Variants in GNAQ observed in about 807,000 individuals in gnomAD.
The protein encoded by GNAQ is guanine nucleotide-binding protein G(q) subunit alpha.
A neutral mutation model predicts 43.9 loss-of-function variants in GNAQ; 8 were observed. The observed-to-expected ratio is 0.18, with a 90% CI of 0.11 to 0.33. The LOEUF is 0.33. GNAQ is among the 10% of genes least tolerant of loss of function. GNAQ has a pLI of 1.00. For missense variants in GNAQ, 158 were observed against 450.8 expected (o/e 0.35, Z 5.88); for synonymous variants, 155 against 170.7 (o/e 0.91, Z 0.71).
intron 1 of GNAQ, among the ~76,000 whole-genome samples, chr9:77,961,657 T>G (rs1823108975): frequency 6.6e-6 from 1 of 152,138 alleles, no homozygotes; most frequent in Admixed American, 6.6e-5. Context: ...TGCTCTAAAC[T>G]TACCCTAACA....
chr9:77,802,857 C>G (rs1319273363), intron 3 of GNAQ, among the ~76,000 whole-genome samples: 1 of 152,182 alleles, frequency 6.6e-6, no homozygotes, highest in Non-Finnish European at 1.5e-5. Context: ...ACCCACCTTA[C>G]TCCAATCCCT....
intron 2 of GNAQ, among the ~76,000 whole-genome samples, chr9:77,915,474 T>C (rs1397031254): frequency 1.3e-5 from 2 of 152,374 alleles, no homozygotes; most frequent in South Asian, 2.1e-4. Context: ...AGGTTAGTAG[T>C]ATTCATTCTC....
At position 77,923,386 on chromosome 9, in the gene GNAQ, A is replaced by G. The variant is rs372704575; in HGVS notation, c.137-1041T>C. On this transcript the variant is annotated intron_variant, in intron 1 of 6. Transcript: ENST00000286548. ...TGCTATCTCCTTTTTCACATCTTCAATATTACTTTTCCGTTACCATAAGCC... is the reference window on the plus strand; with the variant it reads ...TGCTATCTCCTTTTTCACATCTTCAGTATTACTTTTCCGTTACCATAAGCC... Among the ~76,000 whole-genome samples the G allele has an allele frequency of 1.1e-4, 16 of 152,210 alleles. No homozygotes were observed. The East Asian group carries it at 3.1e-3, about 29-fold the overall frequency.
intron 1 of GNAQ, among the ~76,000 whole-genome samples, chr9:77,928,167 T>C (rs1829096730): frequency 6.6e-6 from 1 of 152,238 alleles, no homozygotes; most frequent in Admixed American, 6.5e-5. Flanking sequence ...ATATCTACTT[T>C]AAAATATGTG....
At chr9:77,781,303 G>C (rs1396739512) in intron 5 of GNAQ, among the ~76,000 whole-genome samples, 1 of 131,378 alleles carries the variant, frequency 7.6e-6, no homozygotes, top group East Asian at 2.1e-4. Context: ...TCATTCTTTT[G>C]CATGTGGATA....
At chr9:77,824,661 CTT>C (rs1457665186) in intron 2 of GNAQ, among the ~76,000 whole-genome samples, 1 of 152,074 alleles carries the variant, frequency 6.6e-6, no homozygotes, top group Non-Finnish European at 1.5e-5. Context: ...TGAACAATGA[CTT>C]TTAAAATTTT....
intron 2 of GNAQ, among the ~76,000 whole-genome samples, chr9:77,881,261 C>T (rs1021803484): frequency 3.9e-5 from 6 of 152,316 alleles, no homozygotes; most frequent in Non-Finnish European, 5.9e-5. Flanking sequence ...AGCTGCACAA[C>T]GGCAGAGAGC....
At chr9:77,879,162 A>C (rs559017486) in intron 2 of GNAQ, among the ~76,000 whole-genome samples, 13 of 152,340 alleles carry the variant, frequency 8.5e-5, no homozygotes, top group African/African-American at 2.6e-4. Context: ...AAAATACAGG[A>C]AAATACTGCA....
At position 78,030,529 on chromosome 9, in the gene GNAQ, G is replaced by A. The variant is rs80326263; in HGVS notation, c.136+571C>T. On this transcript the variant is annotated intron_variant, in intron 1 of 6. Transcript: ENST00000286548. The stretch of plus-strand genomic sequence containing the variant: ...GGCTTCCTCACCATGAGTGCTCCGG[G>A]AATCCAGCTGCGAGTCTGCCCACCG... 1.0e-3 allele frequency: 484 copies of A among 470,966 alleles called. 4 individuals carry two copies. The highest frequency in any genetic ancestry group is 9.0e-3 in the African/African-American group (449 of 50,150). 29.2% of individuals were successfully genotyped at this position (470,966 alleles called of 1,614,324 possible). A position where few individuals can be genotyped will look rare whatever the true frequency, so the allele number is the denominator to read the frequency against.
rs1367294866 is a variant in GNAQ, at chr9:77,959,655, T to C, written c.137-37310A>G. Among the ~76,000 whole-genome samples, 16 of 152,354 alleles carry C rather than the reference T, an allele frequency of 1.1e-4. No homozygotes were observed. The East Asian group carries it at 3.1e-3, about 29-fold the overall frequency. ...TTTGTTCACTCACTGTTTTATTCCT[T>C]CAATTATTTTTATCTCTATAATTGC... On this transcript the variant is annotated intron_variant, in intron 1 of 6. Coordinates refer to ENST00000286548, the MANE Select transcript of GNAQ (RefSeq NM_002072.5).
intron 2 of GNAQ, among the ~76,000 whole-genome samples, chr9:77,835,120 G>A (rs916389444): frequency 2.6e-5 from 4 of 152,080 alleles, no homozygotes; most frequent in Non-Finnish European, 5.9e-5. Context: ...TTCACACCCT[G>A]GGCAGGGTGA....
intron 1 of GNAQ, among the ~76,000 whole-genome samples, chr9:77,953,006 C>T (rs938609540): frequency 6.6e-6 from 1 of 152,174 alleles, no homozygotes; most frequent in African/African-American, 2.4e-5. Context: ...TGTTTTCAAG[C>T]TACATTATTG....
chr9:77,967,641 T>C (rs1188331353), intron 1 of GNAQ, among the ~76,000 whole-genome samples: 1 of 152,058 alleles, frequency 6.6e-6, no homozygotes, highest in Non-Finnish European at 1.5e-5. Flanking sequence ...GGTAGATTAG[T>C]GGTTATCAGA....
intron 2 of GNAQ, among the ~76,000 whole-genome samples, chr9:77,844,153 T>G (rs941783806): frequency 7.9e-5 from 12 of 152,176 alleles, no homozygotes; most frequent in Middle Eastern, 3.2e-3. Context: ...ATCATGACAG[T>G]GGACTTCCAA....
At chr9:77,814,774 C>G (rs1207814147) in intron 3 of GNAQ, among the ~76,000 whole-genome samples, 1 of 152,158 alleles carries the variant, frequency 6.6e-6, no homozygotes, top group African/African-American at 2.4e-5. Context: ...TCCACCCATT[C>G]TTCTGTCTGC....
chr9:77,785,477 C>T (rs1007315897), intron 5 of GNAQ, among the ~76,000 whole-genome samples: 1 of 152,184 alleles, frequency 6.6e-6, no homozygotes, highest in Non-Finnish European at 1.5e-5. Context: ...CTAATACAGG[C>T]AGTATCTACC....
intron 1 of GNAQ, among the ~76,000 whole-genome samples, chr9:77,990,888 T>C (rs1013561077): frequency 1.3e-5 from 2 of 152,180 alleles, no homozygotes; most frequent in Non-Finnish European, 2.9e-5. Context: ...GACCTAAGAA[T>C]GCTTTCCTTG....
intron 1 of GNAQ, among the ~76,000 whole-genome samples, chr9:77,972,520 A>G (rs1823248882): frequency 6.6e-6 from 1 of 152,244 alleles, no homozygotes; most frequent in Admixed American, 6.5e-5. Flanking sequence ...AAAACCCAAC[A>G]GCTTTTCCAT....
At position 77,721,497 on chromosome 9, in the gene GNAQ, G is replaced by C; in HGVS notation, c.906C>G (p.Ala302=). 1 of 1,610,210 alleles carries C rather than the reference G, an allele frequency of 6.2e-7. No individual in the cohort carries two copies. Among genetic ancestry groups the C allele is most frequent in the Non-Finnish European group, 8.5e-7 (1 of 1,177,270 alleles). Residue 302 remains alanine, a synonymous_variant, in exon 7 of 7, where the codon GCC becomes GCG. Transcript: ENST00000286548. ...FPEYDGPQRD[A]QAAREFILKM... is the part of the protein sequence containing the mutation. ...TCAGAATGAATTCTCGGGCTGCCTG[G>C]GCATCTCTCTGGGGTCCTTTCGGCC...
Sources: gnomAD v4.1 joint callset for allele counts (sites outside exome capture counted in the v4.1 genomes callset) on GRCh38, gnomAD v4.1.1 for gene constraint, MANE v1.5 for transcripts, NCBI Gene and HGNC (gene_info 2026-07-23, HGNC 2026-07-21) for gene names.